EFCAB11: variants seen among roughly 807,000 people sequenced by gnomAD.
EFCAB11 encodes the protein EF-hand calcium-binding domain-containing protein 11.
A neutral mutation model predicts 23.0 loss-of-function variants in EFCAB11; 14 were observed. The ratio of observed to expected loss-of-function variants is 0.61; its 90% CI spans 0.40 to 0.95. The LOEUF is 0.95. Ranked by LOEUF, EFCAB11 falls within the 40% of genes least tolerant of loss-of-function variation. The probability of loss-of-function intolerance (pLI) is 0.00; values close to 1 mark genes in which losing one functional copy is unlikely to be tolerated. For synonymous variants in EFCAB11, 65 were observed against 66.6 expected, an observed-to-expected ratio of 0.98 and a Z score of 0.11; for missense variants, 198 against 195.8, an observed-to-expected ratio of 1.01 and a Z score of -0.07.
rs142719769 is a variant in EFCAB11, at chr14:89,887,855, G to A, written c.410+43686C>T. On this transcript the variant is annotated intron_variant, in intron 5 of 5. Coordinates refer to ENST00000316738, the MANE Select transcript of EFCAB11 (RefSeq NM_145231.4). ...CATATTTCAGCACGTGTTAACACTC[G>A]CATTTTTCTTGAAGCTATAATATAT... 3.4e-4 allele frequency among the ~76,000 whole-genome samples: 52 copies of A among 152,222 alleles called. No individual in the cohort carries two copies. The East Asian group carries it at 8.9e-3, about 26-fold the overall frequency.
At chr14:89,949,968 T>C (rs1891109446) in intron 3 of EFCAB11, 129 bp downstream of exon 3, 1 of 1,003,954 alleles carries the variant, frequency 1.0e-6, no homozygotes, top group East Asian at 3.1e-5. Context: ...GCCCCCATGA[T>C]TCAGTTACCT....
intron 5 of EFCAB11, among the ~76,000 whole-genome samples, chr14:89,838,455 C>A (rs374669348): frequency 7.2e-4 from 106 of 147,412 alleles, no homozygotes; most frequent in South Asian, 7.1e-3. Flanking sequence ...AAAAAAAAAA[C>A]CAAAAAAACC....
rs538968950 is a variant in EFCAB11 at position 89,845,822 on chromosome 14, C to T, written c.411-48498G>A. ...GGATGTGCAGTCGGGAGTACTGGGTCGAGTGGTGCGTCTCTGGACAGGGGC... is the reference window on the plus strand; with the variant it reads ...GGATGTGCAGTCGGGAGTACTGGGTTGAGTGGTGCGTCTCTGGACAGGGGC... On this transcript the variant is annotated intron_variant, in intron 5 of 5. Coordinates refer to ENST00000316738, the MANE Select transcript of EFCAB11 (RefSeq NM_145231.4). Among the ~76,000 whole-genome samples the T allele has an allele frequency of 4.6e-5, 7 of 152,218 alleles. No individual in the cohort carries two copies. The East Asian group carries it at 9.7e-4, about 21-fold the overall frequency.
chr14:89,869,471 C>T (rs1439927548), intron 5 of EFCAB11, among the ~76,000 whole-genome samples: 1 of 152,148 alleles, frequency 6.6e-6, no homozygotes, highest in Non-Finnish European at 1.5e-5. Context: ...GTAAGACATT[C>T]TCACTTCTAT....
At chr14:89,864,683 C>T (rs1384201221) in intron 5 of EFCAB11, among the ~76,000 whole-genome samples, 2 of 152,230 alleles carry the variant, frequency 1.3e-5, no homozygotes, top group African/African-American at 4.8e-5. Context: ...AAGTGATCTG[C>T]CTGCCTTGGC....
At chr14:89,845,616 T>C (rs1245077999) in intron 5 of EFCAB11, among the ~76,000 whole-genome samples, 1 of 152,198 alleles carries the variant, frequency 6.6e-6, no homozygotes, top group African/African-American at 2.4e-5. Flanking sequence ...TTCAGCTCTC[T>C]TGTAAGGAGT....
chr14:89,903,577 G>C (rs1033123711), intron 5 of EFCAB11, among the ~76,000 whole-genome samples: 1 of 151,890 alleles, frequency 6.6e-6, no homozygotes, highest in Admixed American at 6.6e-5. Flanking sequence ...AAGAGAAGGG[G>C]GGGGGCAATT....
chr14:89,939,270 C>A (rs1197161111), intron 3 of EFCAB11, among the ~76,000 whole-genome samples: 1 of 144,310 alleles, frequency 6.9e-6, no homozygotes, highest in Non-Finnish European at 1.5e-5. Context: ...CTTGCTGTTG[C>A]AGAGGTTAAA....
rs550454320 is a variant in EFCAB11, at chr14:89,846,296, A to C, written c.411-48972T>G. On this transcript the variant is annotated intron_variant, in intron 5 of 5. Coordinates refer to ENST00000316738, the MANE Select transcript of EFCAB11 (RefSeq NM_145231.4). ...TACCAGTCTCAGGATGAACATACTA[A>C]GAAAAAGTTGAAGATTCTATCAGAT... Among the ~76,000 whole-genome samples the C allele has an allele frequency of 1.1e-4, 16 of 152,368 alleles. No homozygotes were observed. The Middle Eastern group carries it at 0.014, about 130-fold the overall frequency.
chr14:89,804,175 C>A (rs949875151), intron 5 of EFCAB11, among the ~76,000 whole-genome samples: 2 of 152,238 alleles, frequency 1.3e-5, no homozygotes, highest in Non-Finnish European at 2.9e-5. Context: ...CCCCCTACCC[C>A]CCAAACGTGG....
At chr14:89,845,535 G>A (rs910841560) in intron 5 of EFCAB11, among the ~76,000 whole-genome samples, 10 of 152,152 alleles carry the variant, frequency 6.6e-5, no homozygotes, top group East Asian at 1.9e-4. Context: ...TCACAGTGAC[G>A]TGTCTATGTG....
Position 89,928,814 on chromosome 14 carries a change from C to T in EFCAB11, c.410+2727G>A, listed in dbSNP as rs187139469. On this transcript the variant is annotated intron_variant, in intron 5 of 5. Coordinates refer to ENST00000316738, the MANE Select transcript of EFCAB11 (RefSeq NM_145231.4). ...GCAATTAATTATATATTATAGATTA[C>T]ATATATAATTAAATAATTATATATT... 2.7e-5 allele frequency among the ~76,000 whole-genome samples: 4 copies of T among 146,374 alleles called. 1 individual carries two copies. The East Asian group carries it at 7.9e-4, about 29-fold the overall frequency.
intron 5 of EFCAB11, among the ~76,000 whole-genome samples, chr14:89,894,633 C>T (rs1889102435): frequency 6.6e-6 from 1 of 152,122 alleles, no homozygotes; most frequent in South Asian, 2.1e-4. Context: ...GAACAAGACA[C>T]TATCACCCCT....
chr14:89,841,400 C>T (rs537424951), intron 5 of EFCAB11, among the ~76,000 whole-genome samples: 1 of 151,756 alleles, frequency 6.6e-6, no homozygotes, highest in African/African-American at 2.4e-5. Context: ...TTTCTCTCTC[C>T]CCTACTGCCT....
chr14:89,888,253 T>TA (rs1044466422), intron 5 of EFCAB11, among the ~76,000 whole-genome samples: 1 of 152,262 alleles, frequency 6.6e-6, no homozygotes, highest in African/African-American at 2.4e-5. Flanking sequence ...GGTGCCCTTA[T>TA]AAGGGGCTGA....
intron 5 of EFCAB11, among the ~76,000 whole-genome samples, chr14:89,860,394 T>C (rs147901787): frequency 6.7e-6 from 1 of 148,358 alleles, no homozygotes; most frequent in African/African-American, 2.6e-5. Context: ...AACAAACAAA[T>C]GTCTTCAGGA....
intron 3 of EFCAB11, among the ~76,000 whole-genome samples, chr14:89,935,948 C>T (rs1456782779): frequency 6.6e-6 from 1 of 151,880 alleles, no homozygotes; most frequent in Non-Finnish European, 1.5e-5. Context: ...GTGGAGGTTG[C>T]GGTGAGCCGA....
intron 5 of EFCAB11, among the ~76,000 whole-genome samples, chr14:89,849,842 A>C (rs1295585808): frequency 6.6e-6 from 1 of 152,182 alleles, no homozygotes; most frequent in Admixed American, 6.5e-5. Context: ...TTTCAACTGA[A>C]GTGTAATTTC....
At chr14:89,823,763 T>A (rs1015461266) in intron 5 of EFCAB11, among the ~76,000 whole-genome samples, 6 of 152,344 alleles carry the variant, frequency 3.9e-5, no homozygotes, top group African/African-American at 1.2e-4. Context: ...CCAGTGGAAC[T>A]TCTAGAGATG....
Sources: gnomAD v4.1 joint callset for allele counts (sites outside exome capture counted in the v4.1 genomes callset) on GRCh38, gnomAD v4.1.1 for gene constraint, MANE v1.5 for transcripts, NCBI Gene and HGNC (gene_info 2026-07-23, HGNC 2026-07-21) for gene names.